Variants in CASD1 observed in about 807,000 individuals in gnomAD.
The protein encoded by CASD1 is CAS1 domain sialic acid O acetyltransferase 1.
CASD1 carries 41 observed loss-of-function variants against 100.0 expected under a neutral mutation model. The observed-to-expected ratio is 0.41, with a 90% CI of 0.32 to 0.53. The LOEUF (loss-of-function observed/expected upper bound fraction) is 0.53, where lower values mean the gene tolerates loss of function less well. Among genes scored for constraint, CASD1 ranks in the 20% least tolerant of loss-of-function variants. The pLI, the probability that CASD1 is intolerant of heterozygous loss-of-function variation, is 0.25. For missense variants in CASD1, 774 were observed against 948.7 expected, an observed-to-expected ratio of 0.82 and a Z score of 2.42; for synonymous variants, 321 against 315.6, an observed-to-expected ratio of 1.02 and a Z score of -0.18.
chr7:94,586,073 A>AAC, the CASD1 span, among the ~76,000 whole-genome samples: 3 of 149,988 alleles, frequency 2.0e-5, no homozygotes, highest in African/African-American at 7.3e-5. Context: ...AAAAAAAAAA[A>AAC]AAAAAAAAAA....
chr7:94,537,931 C>T, intron 9 of CASD1, 37 bp downstream of exon 9: 2 of 1,148,456 alleles, frequency 1.7e-6, no homozygotes, highest in African/African-American at 3.1e-5. Context: ...TGTTACCCTT[C>T]TTGTCTCATT....
At chr7:94,555,440 A>C (rs1427523651) in intron 17 of CASD1, 52 bp from the exon 18 acceptor site, 1 of 1,538,580 alleles carries the variant, frequency 6.5e-7, no homozygotes. Flanking sequence ...GAAAACTGTA[A>C]TTTATTCATG....
intron 13 of CASD1, among the ~76,000 whole-genome samples, chr7:94,548,901 C>T (rs1309387530): frequency 6.6e-6 from 1 of 151,858 alleles, no homozygotes; most frequent in Admixed American, 6.6e-5. Context: ...TCCAACCTGT[C>T]AGATTCATAA....
At chr7:94,525,102 C>T (rs74571835) in intron 3 of CASD1, among the ~76,000 whole-genome samples, 1,755 of 152,014 alleles carry the variant, frequency 0.012, 34 homozygotes, top group African/African-American at 0.04. Context: ...TCACATAGTT[C>T]AGCAAAAGAG....
At chr7:94,516,069 A>T (rs554265200) in intron 1 of CASD1, among the ~76,000 whole-genome samples, 1 of 151,962 alleles carries the variant, frequency 6.6e-6, no homozygotes, top group Non-Finnish European at 1.5e-5. Flanking sequence ...TAGAACTAGA[A>T]TTAGTTTTTA....
chr7:94,596,958 A>G, the CASD1 span, among the ~76,000 whole-genome samples: 1 of 152,162 alleles, frequency 6.6e-6, no homozygotes, highest in South Asian at 2.1e-4. Context: ...GCCATTTCAT[A>G]ATTTTCATCT....
At chr7:94,627,253 C>CTG in the CASD1 span, 1 of 151,990 alleles carries the variant, frequency 6.6e-6, no homozygotes, top group African/African-American at 2.4e-5. Flanking sequence ...CTCTGAAAGG[C>CTG]TGTATTCTTT....
At chr7:94,628,028 A>T in the CASD1 span, 1 of 561,332 alleles carries the variant, frequency 1.8e-6, no homozygotes, top group Non-Finnish European at 3.2e-6. Context: ...CTTTATAAAC[A>T]GAGAAGAATG....
chr7:94,537,149 G>GA (rs1000407262), intron 8 of CASD1, among the ~76,000 whole-genome samples: 29 of 141,190 alleles, frequency 2.1e-4, no homozygotes, highest in South Asian at 6.7e-4. Flanking sequence ...GTGTTGGGAA[G>GA]AAAAAAAAAA....
At chr7:94,552,195 A>G in intron 15 of CASD1, 155 bp from the exon 16 acceptor site, 1 of 602,048 alleles carries the variant, frequency 1.7e-6, no homozygotes. Context: ...AAAACAGGTG[A>G]TGAGCAAACT....
chr7:94,615,864 G>A, the CASD1 span, among the ~76,000 whole-genome samples: 1 of 152,116 alleles, frequency 6.6e-6, no homozygotes, highest in Admixed American at 6.5e-5. Context: ...CTTTATCCCA[G>A]GCTAAATACA....
intron 5 of CASD1, 23 bp downstream of exon 5, chr7:94,528,273 CTTTT>C: frequency 3.4e-6 from 4 of 1,185,194 alleles, no homozygotes; most frequent in South Asian, 1.5e-5. Context: ...AAAACATAGG[CTTTT>C]TTTTTTTTTA....
intron 12 of CASD1, among the ~76,000 whole-genome samples, chr7:94,546,718 A>G (rs773054356): frequency 5.1e-4 from 78 of 151,958 alleles, no homozygotes; most frequent in Admixed American, 2.4e-3. Context: ...TGTTTAAGCA[A>G]TATCACCAAA....
chr7:94,528,569 T>G (rs1584395621), intron 5 of CASD1, among the ~76,000 whole-genome samples: 2 of 152,188 alleles, frequency 1.3e-5, no homozygotes, highest in South Asian at 2.1e-4. Context: ...ACAGTGTATA[T>G]TCTCTAGTGC....
At chr7:94,527,117 A>C (rs755731140) in intron 3 of CASD1, 45 bp from the exon 4 acceptor site, 15 of 1,450,630 alleles carry the variant, frequency 1.0e-5, no homozygotes, top group Non-Finnish European at 1.3e-5. Flanking sequence ...TTTTTATATA[A>C]ATTTAATCTA....
At chr7:94,622,840 T>C in the CASD1 span, among the ~76,000 whole-genome samples, 1 of 152,118 alleles carries the variant, frequency 6.6e-6, no homozygotes, top group Admixed American at 6.6e-5. Context: ...AGGAAGGAAA[T>C]TGTACCCTAA....
the CASD1 span, among the ~76,000 whole-genome samples, chr7:94,611,977 G>T: frequency 3.9e-5 from 6 of 152,254 alleles, no homozygotes; most frequent in African/African-American, 1.4e-4. Flanking sequence ...GATGATCAGA[G>T]GATATAAACA....
intron 4 of CASD1, 51 bp from the exon 5 acceptor site, chr7:94,528,137 G>C (rs1584394688): frequency 5.0e-6 from 6 of 1,205,510 alleles, no homozygotes; most frequent in African/African-American, 1.5e-5. Flanking sequence ...TTGAATGGTG[G>C]AATTAAGAGT....
At chr7:94,521,648 A>G (rs193280747) in intron 3 of CASD1, among the ~76,000 whole-genome samples, 5 of 152,360 alleles carry the variant, frequency 3.3e-5, no homozygotes, top group Non-Finnish European at 1.5e-5. Context: ...CCAAATATGT[A>G]TTTTATACAC....
Sources: allele counts gnomAD v4.1 joint callset (sites outside exome capture counted in the v4.1 genomes callset), GRCh38; gene constraint gnomAD v4.1.1; transcripts MANE v1.5; gene names NCBI Gene and HGNC (gene_info 2026-07-23, HGNC 2026-07-21).